The following SGCZ variants were observed in gnomAD, a reference collection of about 807,000 sequenced individuals.
SGCZ encodes zeta-sarcoglycan.
Under a neutral mutation model 41.3 loss-of-function variants are expected in SGCZ, and 40 were observed. The ratio of observed to expected loss-of-function variants is 0.97; its 90% CI spans 0.75 to 1.26. The LOEUF (loss-of-function observed/expected upper bound fraction) is 1.26. Among genes scored for constraint, SGCZ ranks in the 50% most tolerant of loss-of-function variants. SGCZ has a pLI of 0.00. For missense variants in SGCZ, 552 were observed against 369.8 expected (o/e 1.49, Z -4.04); for synonymous variants, 206 against 137.5 (o/e 1.50, Z -3.49).
intron 1 of SGCZ, among the ~76,000 whole-genome samples, chr8:15,024,795 G>A (rs938971452): frequency 5.9e-5 from 9 of 152,002 alleles, no homozygotes; most frequent in African/African-American, 2.2e-4. Context: ...AATTAGCCGG[G>A]CATGGTGGCG....
chr8:15,149,499 C>G (rs1357254788), intron 1 of SGCZ, among the ~76,000 whole-genome samples: 1 of 152,100 alleles, frequency 6.6e-6, no homozygotes, highest in Non-Finnish European at 1.5e-5. Flanking sequence ...TTTTGCATTT[C>G]CTCCAGCCTC....
intron 1 of SGCZ, among the ~76,000 whole-genome samples, chr8:14,626,149 T>C (rs952940387): frequency 1.3e-5 from 2 of 152,142 alleles, no homozygotes; most frequent in African/African-American, 2.4e-5. Flanking sequence ...TTGTTTTATA[T>C]CATTTTTATT....
At chr8:15,021,595 G>A (rs1803250589) in intron 1 of SGCZ, among the ~76,000 whole-genome samples, 1 of 152,270 alleles carries the variant, frequency 6.6e-6, no homozygotes, top group Middle Eastern at 3.4e-3. Context: ...TGGGGTTAAG[G>A]GAAGAAAGAA....
At chr8:15,052,951 T>G (rs1029612642) in intron 1 of SGCZ, among the ~76,000 whole-genome samples, 2 of 152,146 alleles carry the variant, frequency 1.3e-5, no homozygotes, top group East Asian at 3.9e-4. Flanking sequence ...CCATATAGCT[T>G]GATTCCTTTG....
At chr8:14,639,038 C>CTTTTTTTT (rs148778266) in intron 1 of SGCZ, among the ~76,000 whole-genome samples, 2 of 137,612 alleles carry the variant, frequency 1.5e-5, no homozygotes, top group Non-Finnish European at 3.1e-5. Flanking sequence ...AAACTGGAAT[C>CTTTTTTTT]TTTTTTTTTT....
chr8:14,574,334 T>A (rs1256152515), intron 1 of SGCZ, among the ~76,000 whole-genome samples: 1 of 149,560 alleles, frequency 6.7e-6, no homozygotes. Context: ...CAAGAATTCC[T>A]TTTCCTCAAA....
chr8:15,014,468 C>T (rs1408737683), intron 1 of SGCZ, among the ~76,000 whole-genome samples: 1 of 152,172 alleles, frequency 6.6e-6, no homozygotes, highest in Non-Finnish European at 1.5e-5. Context: ...CCCTAAGCAC[C>T]TAACAAAGAG....
chr8:14,227,030 G>A (rs1364968169), intron 4 of SGCZ, among the ~76,000 whole-genome samples: 3 of 152,048 alleles, frequency 2.0e-5, no homozygotes, highest in Non-Finnish European at 4.4e-5. Context: ...GTAGCTGATA[G>A]ATTTACTGAT....
chr8:14,722,740 CAT>C (rs1420690570), intron 1 of SGCZ, among the ~76,000 whole-genome samples: 1 of 151,948 alleles, frequency 6.6e-6, no homozygotes, highest in Non-Finnish European at 1.5e-5. Flanking sequence ...ATCAAGGAAA[CAT>C]ATGAGGGAAA....
intron 1 of SGCZ, among the ~76,000 whole-genome samples, chr8:14,744,116 T>TAAA (rs35427926): frequency 1.5e-5 from 2 of 129,956 alleles, no homozygotes; most frequent in Non-Finnish European, 3.1e-5. Flanking sequence ...TCAAAAAATT[T>TAAA]AAAAAACAAA....
At chr8:14,944,006 T>C (rs1456489512) in intron 1 of SGCZ, among the ~76,000 whole-genome samples, 1 of 152,154 alleles carries the variant, frequency 6.6e-6, no homozygotes, top group Non-Finnish European at 1.5e-5. Context: ...TCCAGTCTAC[T>C]GCTGATGGGC....
chr8:14,645,056 A>G (rs978173674), intron 1 of SGCZ, among the ~76,000 whole-genome samples: 2 of 151,716 alleles, frequency 1.3e-5, no homozygotes, highest in African/African-American at 4.8e-5. Flanking sequence ...TATTTGAGAA[A>G]AGGCTTAGGA....
At chr8:14,967,254 A>C (rs1267947334) in intron 1 of SGCZ, among the ~76,000 whole-genome samples, 1 of 152,170 alleles carries the variant, frequency 6.6e-6, no homozygotes, top group Non-Finnish European at 1.5e-5. Context: ...GAGACCTGGA[A>C]AGTCTAATAA....
intron 1 of SGCZ, among the ~76,000 whole-genome samples, chr8:15,101,499 G>T (rs567858014): frequency 2.6e-5 from 4 of 152,154 alleles, no homozygotes; most frequent in African/African-American, 9.7e-5. Flanking sequence ...CTCCATAACA[G>T]ATGTCACTAG....
chr8:14,766,558 A>T (rs990138446), intron 1 of SGCZ, among the ~76,000 whole-genome samples: 4 of 151,674 alleles, frequency 2.6e-5, no homozygotes, highest in Non-Finnish European at 4.4e-5. Flanking sequence ...TACTTTTAAA[A>T]ATATATATAT....
In SGCZ at chr8:14,480,990, A is replaced by T. The variant is rs551131531; in HGVS notation, c.234+73742T>A. 5.9e-5 allele frequency among the ~76,000 whole-genome samples: 9 copies of T among 152,242 alleles called. No individual in the cohort carries two copies. The South Asian group carries it at 1.9e-3, about 32-fold the overall frequency. On this transcript the variant is annotated intron_variant, in intron 2 of 7. Transcript: ENST00000382080. ...AACATTTGATAACTTTAATATTCAC[A>T]GTTTATATTTATCAATAGATGCTCT...
chr8:14,129,504 T>A (rs1238873282), intron 5 of SGCZ, among the ~76,000 whole-genome samples: 1 of 151,172 alleles, frequency 6.6e-6, no homozygotes, highest in Non-Finnish European at 1.5e-5. Context: ...CATAACACAT[T>A]TAAAAAGAGA....
intron 1 of SGCZ, among the ~76,000 whole-genome samples, chr8:14,865,422 T>G (rs1803894459): frequency 7.1e-6 from 1 of 141,614 alleles, no homozygotes; most frequent in South Asian, 2.2e-4. Flanking sequence ...CTCTTTAAAT[T>G]ACTTCTTGCT....
chr8:15,057,224 A>G (rs1804746012), intron 1 of SGCZ, among the ~76,000 whole-genome samples: 1 of 152,192 alleles, frequency 6.6e-6, no homozygotes, highest in Non-Finnish European at 1.5e-5. Context: ...ACCCTCCTTC[A>G]AGAATTACCA....
Sources: gnomAD v4.1 joint callset for allele counts (sites outside exome capture counted in the v4.1 genomes callset) on GRCh38, gnomAD v4.1.1 for gene constraint, MANE v1.5 for transcripts, NCBI Gene and HGNC (gene_info 2026-07-23, HGNC 2026-07-21) for gene names.